Variants in NIPSNAP1 observed in about 807,000 individuals in gnomAD.
NIPSNAP1 encodes the protein nipsnap homolog 1, also known as protein NipSnap homolog 1.
Under a neutral mutation model 49.2 loss-of-function variants are expected in NIPSNAP1, and 25 were observed. The observed-to-expected ratio is 0.51, with a 90% CI of 0.37 to 0.71. The LOEUF is 0.71. Ranked by LOEUF, NIPSNAP1 falls within the 30% of genes least tolerant of loss-of-function variation. NIPSNAP1 has a pLI of 0.00. For synonymous variants in NIPSNAP1, 143 were observed against 140.7 expected, an observed-to-expected ratio of 1.02 and a Z score of -0.12; for missense variants, 294 against 361.0, an observed-to-expected ratio of 0.81 and a Z score of 1.50.
intron 1 of NIPSNAP1, chr22:29,580,370 C>T (rs1052208803): frequency 1.5e-6 from 1 of 678,356 alleles, no homozygotes; most frequent in Non-Finnish European, 1.8e-6. Context: ...AGCACATGGC[C>T]CAGCCAGACT....
chr22:29,561,902 A>AC, intron 4 of NIPSNAP1, 40 bp from the exon 5 acceptor site: 2 of 1,593,314 alleles, frequency 1.3e-6, no homozygotes, highest in South Asian at 1.1e-5. Flanking sequence ...AGCTGCTGGG[A>AC]CCCCCAGCAG....
chr22:29,561,278 G>T, intron 6 of NIPSNAP1, 76 bp from the exon 7 acceptor site: 1 of 1,568,404 alleles, frequency 6.4e-7, no homozygotes. Context: ...GCAAGGAAGG[G>T]AAACTGCCCT....
intron 4 of NIPSNAP1, among the ~76,000 whole-genome samples, chr22:29,564,911 C>T (rs1412015623): frequency 6.6e-6 from 1 of 151,996 alleles, no homozygotes; most frequent in Non-Finnish European, 1.5e-5. Context: ...ATCAGCCAGG[C>T]GCAGTGGCTC....
intron 8 of NIPSNAP1, among the ~76,000 whole-genome samples, chr22:29,560,131 CCTT>C (rs1314742482): frequency 6.6e-6 from 1 of 152,124 alleles, no homozygotes; most frequent in African/African-American, 2.4e-5. Context: ...ACAGCTGGCT[CCTT>C]CTCATCCTTT....
At chr22:29,557,176 T>C (rs1336950046) in intron 9 of NIPSNAP1, among the ~76,000 whole-genome samples, 1 of 151,904 alleles carries the variant, frequency 6.6e-6, no homozygotes, top group Non-Finnish European at 1.5e-5. Flanking sequence ...TGGAGTGCAG[T>C]GGCAGGTTCT....
Position 29,581,036 on chromosome 22 carries a change from A to C in NIPSNAP1, c.47T>G (p.Leu16Arg), listed in dbSNP as rs903389615. Residue 16 changes from leucine to arginine, a missense_variant, in exon 1 of 10, where the codon CTG (leucine) becomes CGG (arginine). Transcript: ENST00000216121. ...CSISVTARRL[L>R]GGPGPRAGDV... is the part of the protein sequence containing the mutation. Reference sequence around the variant, plus strand: ...CCCAGCGCGAGGCCCCGGGCCCCCCAGCAGCCGCCGCGCCGTCACAGAGAT... The same window carrying C: ...CCCAGCGCGAGGCCCCGGGCCCCCCCGCAGCCGCCGCGCCGTCACAGAGAT... 8.3e-5 allele frequency: 127 copies of C among 1,538,322 alleles called. No homozygotes were observed. Among genetic ancestry groups the C allele is most frequent in the Non-Finnish European group, 1.0e-4 (119 of 1,145,374 alleles).
intron 6 of NIPSNAP1, 47 bp from the exon 7 acceptor site, chr22:29,561,249 T>A: frequency 6.2e-7 from 1 of 1,606,738 alleles, no homozygotes; most frequent in Non-Finnish European, 8.5e-7. Context: ...CCACCTCAGA[T>A]TCATAGCATC....
At chr22:29,564,416 AT>A (rs1366238979) in intron 4 of NIPSNAP1, 4 of 470,508 alleles carry the variant, frequency 8.5e-6, no homozygotes, top group African/African-American at 4.0e-5. Context: ...GGACAGCATC[AT>A]TGGCAAGAGG....
Position 29,558,875 on chromosome 22 carries a change from T to G in NIPSNAP1, c.785A>C (p.Tyr262Ser). ...RKRGWDENVY[Y>S]TVPLVRHMES... is the part of the protein sequence containing the mutation. ...CCTCCAAAGGCTTCACTCACCTGTATAGTAGACATTTTCATCCCAGCCTCT... is the reference window on the plus strand; with the variant it reads ...CCTCCAAAGGCTTCACTCACCTGTAGAGTAGACATTTTCATCCCAGCCTCT... Residue 262 changes from tyrosine (Y) to serine (S), a missense_variant, in exon 9 of 10, where the codon TAT (tyrosine) becomes TCT (serine). Physicochemically the swap from Tyr to Ser is moderately radical, Grantham distance 144 (BLOSUM62 -2). This residue lies in a region of NIPSNAP1 where 146 missense variants were observed against 219.9 expected (regional missense o/e 0.66). Coordinates refer to ENST00000216121, the MANE Select transcript of NIPSNAP1 (RefSeq NM_003634.4). The G allele has an allele frequency of 6.2e-7, 1 of 1,612,766 alleles. No individual in the cohort carries two copies. Among genetic ancestry groups the G allele is most frequent in the Non-Finnish European group, 8.5e-7 (1 of 1,178,714 alleles).
intron 1 of NIPSNAP1, chr22:29,580,376 A>T: frequency 9.5e-6 from 6 of 628,796 alleles, no homozygotes; most frequent in Non-Finnish European, 1.2e-5. Flanking sequence ...TGGCCCAGCC[A>T]GACTCCCACT....
At chr22:29,573,797 T>A (rs2064428589) in intron 1 of NIPSNAP1, among the ~76,000 whole-genome samples, 1 of 129,000 alleles carries the variant, frequency 7.8e-6, no homozygotes, top group Non-Finnish European at 1.6e-5. Flanking sequence ...CCAGGTGTGG[T>A]CGAGTGTCAA....
intron 1 of NIPSNAP1, among the ~76,000 whole-genome samples, chr22:29,576,911 TGA>T (rs1477412613): frequency 6.8e-6 from 1 of 146,570 alleles, no homozygotes; most frequent in Non-Finnish European, 1.5e-5. Flanking sequence ...GCTGACAGAA[TGA>T]GACTCCGTCT....
At chr22:29,580,894 A>T in intron 1 of NIPSNAP1, 91 bp downstream of exon 1, 1 of 1,012,330 alleles carries the variant, frequency 9.9e-7, no homozygotes, top group Non-Finnish European at 1.4e-6. Flanking sequence ...CCAAGCGAGG[A>T]GTCTCAGCCC....
At chr22:29,579,636 C>T (rs1246358816) in intron 1 of NIPSNAP1, 3 of 165,446 alleles carry the variant, frequency 1.8e-5, no homozygotes, top group Non-Finnish European at 4.0e-5. Context: ...GCCGTGTTGC[C>T]AAGCTGGTCT....
chr22:29,578,396 T>C (rs1013820526), intron 1 of NIPSNAP1, among the ~76,000 whole-genome samples: 1 of 151,200 alleles, frequency 6.6e-6, no homozygotes, highest in Non-Finnish European at 1.5e-5. Flanking sequence ...GGTCTCAAAC[T>C]CCTGGGTTCA....
At chr22:29,564,197 ACT>A (rs2064354649) in intron 4 of NIPSNAP1, 1 of 387,362 alleles carries the variant, frequency 2.6e-6, no homozygotes, top group African/African-American at 2.1e-5. Context: ...AGAAACTCAG[ACT>A]CTGTAACTTC....
At position 29,555,493 on chromosome 22, in the gene NIPSNAP1, G is replaced by A. The variant is rs1601484778; in HGVS notation, c.*442C>T. ...GCTCAGACTGTCCAGCAAGTGGGTGGCCCAGTGGAAACCAGGGAATTCCTG... is the reference window on the plus strand; with the variant it reads ...GCTCAGACTGTCCAGCAAGTGGGTGACCCAGTGGAAACCAGGGAATTCCTG... On this transcript the variant is annotated 3_prime_UTR_variant, in exon 10 of 10. Transcript: ENST00000216121. 1 of 209,218 alleles carries A rather than the reference G, an allele frequency of 4.8e-6. No individual in the cohort carries two copies. 13.0% of individuals were successfully genotyped at this position (209,218 alleles called of 1,614,324 possible).
intron 9 of NIPSNAP1, among the ~76,000 whole-genome samples, chr22:29,556,861 T>C (rs980909916): frequency 1.3e-5 from 2 of 152,042 alleles, no homozygotes; most frequent in African/African-American, 4.8e-5. Context: ...GCGATTCTCC[T>C]GCCTCAGCCT....
Position 29,561,807 on chromosome 22 carries a change from C to T in NIPSNAP1, c.423G>A (p.Lys141=), listed in dbSNP as rs116836672. 2.6e-4 allele frequency: 415 copies of T among 1,614,124 alleles called. No individual in the cohort carries two copies. The African/African-American group carries it at 4.2e-3, about 16-fold the overall frequency. The change falls in exon 5 of 10, where the codon AAG becomes AAA. Residue 141 remains lysine, a synonymous_variant. Transcript: ENST00000216121. ...ACTAACATACCTTATTGTTTTTGAGCTTGTTCATGCAGTCCATGAGGGCTG... is the reference window on the plus strand; with the variant it reads ...ACTAACATACCTTATTGTTTTTGAGTTTGTTCATGCAGTCCATGAGGGCTG... ...GYPALMDCMN[K]LKNNKEYLEF...
Sources: allele counts gnomAD v4.1 joint callset (sites outside exome capture counted in the v4.1 genomes callset), GRCh38; gene constraint gnomAD v4.1.1; regional missense constraint gnomAD v4.1.1; transcripts MANE v1.5; gene names NCBI Gene and HGNC (gene_info 2026-07-23, HGNC 2026-07-21).